Variants in GPC3 observed in about 807,000 individuals in gnomAD.
GPC3 encodes glypican 3, also known as glypican-3.
GPC3 carries 3 observed loss-of-function variants against 34.4 expected under a neutral mutation model. The observed-to-expected ratio is 0.09, with a 90% CI of 0.04 to 0.23. The LOEUF is 0.23. GPC3 is among the 10% of genes least tolerant of loss of function. GPC3 has a pLI of 1.00. For synonymous variants in GPC3, 177 were observed against 174.0 expected, an observed-to-expected ratio of 1.02 and a Z score of -0.13; for missense variants, 351 against 445.6, an observed-to-expected ratio of 0.79 and a Z score of 1.91.
intron 6 of GPC3, among the ~76,000 whole-genome samples, chrX:133,612,686 T>C (rs2070123628): frequency 1.8e-5 from 2 of 112,362 alleles, no homozygotes; most frequent in South Asian, 3.8e-4. Flanking sequence ...ATCTTGTTCT[T>C]GGTGGTTTAA....
At chrX:133,642,959 A>G (rs1362477542) in intron 6 of GPC3, among the ~76,000 whole-genome samples, 2 of 111,512 alleles carry the variant, frequency 1.8e-5, no homozygotes, top group African/African-American at 6.5e-5. Context: ...CCTACTTTGC[A>G]TATCAAATAC....
intron 7 of GPC3, among the ~76,000 whole-genome samples, chrX:133,564,340 C>T (rs2069564893): frequency 9.0e-6 from 1 of 111,560 alleles, no homozygotes; most frequent in Admixed American, 9.6e-5. Context: ...GGGCTGGCAG[C>T]GTTGTGTCAG....
chrX:133,552,380 C>G (rs1489636711), intron 7 of GPC3, among the ~76,000 whole-genome samples: 3 of 111,729 alleles, frequency 2.7e-5, no homozygotes, highest in Non-Finnish European at 5.6e-5. Flanking sequence ...AAGAAAGGGA[C>G]CAGCGTCTTT....
chrX:133,741,851 G>T (rs754941830), intron 3 of GPC3, among the ~76,000 whole-genome samples: 11 of 112,641 alleles, frequency 9.8e-5, no homozygotes, highest in Non-Finnish European at 1.9e-4. Context: ...CTTTTCGCAG[G>T]CCACTTGCCT....
intron 2 of GPC3, among the ~76,000 whole-genome samples, chrX:133,850,450 A>G (rs768416136): frequency 7.3e-5 from 8 of 110,314 alleles, no homozygotes; most frequent in Non-Finnish European, 1.5e-4. Flanking sequence ...AGGGAGGTGA[A>G]GATCAATAGC....
At chrX:133,761,218 T>C (rs902491579) in intron 2 of GPC3, among the ~76,000 whole-genome samples, 16 of 112,244 alleles carry the variant, frequency 1.4e-4, no homozygotes, top group African/African-American at 5.2e-4. Flanking sequence ...CAATGTTATT[T>C]TTAAATACTA....
At chrX:133,718,234 G>A (rs2071332850) in intron 3 of GPC3, among the ~76,000 whole-genome samples, 1 of 112,245 alleles carries the variant, frequency 8.9e-6, no homozygotes, top group African/African-American at 3.2e-5. Flanking sequence ...TTATAAATCT[G>A]TGTTGATCGG....
chrX:133,804,408 TA>T (rs2075625943), intron 2 of GPC3, among the ~76,000 whole-genome samples: 1 of 110,403 alleles, frequency 9.1e-6, no homozygotes, highest in African/African-American at 3.3e-5. Context: ...ACATCTATAC[TA>T]ACTCATCCCA....
intron 7 of GPC3, among the ~76,000 whole-genome samples, chrX:133,541,554 A>G (rs951079102): frequency 1.8e-5 from 2 of 112,296 alleles, no homozygotes; most frequent in South Asian, 7.4e-4. Context: ...ACTATGCCCA[A>G]AGGGTAGACT....
intron 1 of GPC3, among the ~76,000 whole-genome samples, chrX:133,973,085 A>G (rs2076500080): frequency 9.0e-6 from 1 of 111,390 alleles, no homozygotes; most frequent in South Asian, 3.8e-4. Context: ...AAAGTGTAGG[A>G]GGAAGAGGGC....
chrX:133,721,626 G>A (rs2071368345), intron 3 of GPC3, among the ~76,000 whole-genome samples: 3 of 110,850 alleles, frequency 2.7e-5, no homozygotes, highest in Non-Finnish European at 3.8e-5. Flanking sequence ...CATTCTCTGA[G>A]GCCAGTATTA....
At chrX:133,860,666 G>A (rs2075932106) in intron 2 of GPC3, among the ~76,000 whole-genome samples, 1 of 111,897 alleles carries the variant, frequency 8.9e-6, no homozygotes, top group African/African-American at 3.3e-5. Context: ...AGGAGAGAGT[G>A]GAGCTATGAT....
chrX:133,554,422 C>A (rs1473600237), intron 7 of GPC3, among the ~76,000 whole-genome samples: 1 of 109,070 alleles, frequency 9.2e-6, no homozygotes, highest in African/African-American at 3.3e-5. Flanking sequence ...TTCTAGATTT[C>A]TCGTCAAAGA....
intron 2 of GPC3, among the ~76,000 whole-genome samples, chrX:133,840,489 G>A (rs2075819108): frequency 9.0e-6 from 1 of 111,206 alleles, no homozygotes; most frequent in African/African-American, 3.3e-5. Flanking sequence ...AAAGATAGTA[G>A]TACCTATCTC....
At chrX:133,816,168 A>C (rs1292113916) in intron 2 of GPC3, among the ~76,000 whole-genome samples, 1 of 111,052 alleles carries the variant, frequency 9.0e-6, no homozygotes, top group Non-Finnish European at 1.9e-5. Context: ...CTCCCACCTC[A>C]GCCTTCCAAG....
chrX:133,787,994 C>T (rs1038511976), intron 2 of GPC3, among the ~76,000 whole-genome samples: 1 of 104,676 alleles, frequency 9.6e-6, no homozygotes, highest in Non-Finnish European at 1.9e-5. Flanking sequence ...CTGTGTTAGC[C>T]CCTGGGGATT....
At chrX:133,709,199 G>A (rs1040479420) in intron 3 of GPC3, among the ~76,000 whole-genome samples, 1 of 112,016 alleles carries the variant, frequency 8.9e-6, no homozygotes, top group Non-Finnish European at 1.9e-5. Flanking sequence ...GCTTTTCTGA[G>A]AAATGTTGCC....
In GPC3 at chrX:133,856,115, T is replaced by C. The variant is rs189194726; in HGVS notation, c.337+96935A>G. ...TATCTCTTCAACCTTCTGATTTCAT[T>C]TCCTTTGGGCATATACACAGAAGAG... is the stretch of plus-strand genomic sequence containing the variant. On this transcript the variant is annotated intron_variant, in intron 2 of 7. Transcript: ENST00000370818. 3.0e-4 allele frequency among the ~76,000 whole-genome samples: 34 copies of C among 112,430 alleles called. No individual in the cohort carries two copies. The East Asian group carries it at 8.6e-3, about 29-fold the overall frequency.
chrX:133,873,979 A>G (rs1409902135), intron 2 of GPC3, among the ~76,000 whole-genome samples: 1 of 111,549 alleles, frequency 9.0e-6, no homozygotes, highest in Admixed American at 9.5e-5. Flanking sequence ...GGAGTAGATT[A>G]CTGGAAATCA....
Sources: gnomAD v4.1 joint callset for allele counts (sites outside exome capture counted in the v4.1 genomes callset) on GRCh38, gnomAD v4.1.1 for gene constraint, MANE v1.5 for transcripts, NCBI Gene and HGNC (gene_info 2026-07-23, HGNC 2026-07-21) for gene names.